The following KLF7 variants were observed in gnomAD, a reference collection of about 807,000 sequenced individuals.
The protein encoded by KLF7 is KLF transcription factor 7.
A neutral mutation model predicts 27.3 loss-of-function variants in KLF7; 2 were observed. The ratio of observed to expected loss-of-function variants is 0.07; its 90% CI spans 0.03 to 0.23. The LOEUF (loss-of-function observed/expected upper bound fraction) is 0.23. Among genes scored for constraint, KLF7 ranks in the 10% least tolerant of loss-of-function variants. The pLI is 1.00. For synonymous variants in KLF7, 165 were observed against 162.4 expected (o/e 1.02, Z -0.12); for missense variants, 221 against 394.1 (o/e 0.56, Z 3.72).
chr2:207,171,927 A>G (rs1029810031), upstream of KLF7, among the ~76,000 whole-genome samples: 2 of 152,194 alleles, frequency 1.3e-5, no homozygotes, highest in Non-Finnish European at 2.9e-5. Flanking sequence ...TAGTATGACT[A>G]TGTGCTAATT....
intron 2 of KLF7, among the ~76,000 whole-genome samples, chr2:207,114,236 G>A (rs1421965717): frequency 6.6e-6 from 1 of 152,196 alleles, no homozygotes; most frequent in African/African-American, 2.4e-5. Flanking sequence ...GAAGGAAGAT[G>A]TATCTTTTGT....
chr2:207,157,309 T>C (rs2078415465), intron 1 of KLF7, among the ~76,000 whole-genome samples: 1 of 149,818 alleles, frequency 6.7e-6, no homozygotes, highest in South Asian at 2.1e-4. Context: ...CACAAGAGTA[T>C]GGAAATCATA....
chr2:207,139,673 T>G (rs374295329), intron 1 of KLF7, among the ~76,000 whole-genome samples: 45 of 152,306 alleles, frequency 3.0e-4, no homozygotes, highest in African/African-American at 1.1e-3. Context: ...TCAACTACAT[T>G]TCTCTACGTA....
chr2:207,103,851 C>G (rs2076821302), intron 2 of KLF7, among the ~76,000 whole-genome samples: 1 of 152,242 alleles, frequency 6.6e-6, no homozygotes, highest in East Asian at 1.9e-4. Flanking sequence ...CTGCAAAGCA[C>G]CACACAGGCA....
chr2:207,149,353 CAT>C (rs1020064909), intron 1 of KLF7, among the ~76,000 whole-genome samples: 29 of 152,348 alleles, frequency 1.9e-4, no homozygotes, highest in African/African-American at 6.5e-4. Flanking sequence ...GCCAGACTAA[CAT>C]AGAGAAAGGG....
intron 1 of KLF7, among the ~76,000 whole-genome samples, chr2:207,128,012 G>A (rs747305924): frequency 2.0e-5 from 3 of 152,156 alleles, no homozygotes; most frequent in African/African-American, 4.8e-5. Flanking sequence ...TACAGGCAAA[G>A]ATAACCCCAG....
At chr2:207,115,011 A>G (rs12466841) in intron 2 of KLF7, among the ~76,000 whole-genome samples, 68,636 of 152,100 alleles carry the variant, frequency 0.45, 17,011 homozygotes, top group Middle Eastern at 0.56. Flanking sequence ...TTAAAGGCAG[A>G]AACAACAAAA....
chr2:207,126,172 C>T (rs2077471560), intron 1 of KLF7, among the ~76,000 whole-genome samples: 2 of 152,172 alleles, frequency 1.3e-5, no homozygotes, highest in South Asian at 4.1e-4. Context: ...CTGAACTCCA[C>T]TTCTCAAAAA....
At chr2:207,112,317 G>A (rs1215220934) in intron 2 of KLF7, among the ~76,000 whole-genome samples, 1 of 152,058 alleles carries the variant, frequency 6.6e-6, no homozygotes, top group Non-Finnish European at 1.5e-5. Context: ...TTAGACAGGT[G>A]TTAACACTGC....
In KLF7 at chr2:207,165,749, G is replaced by A. The variant is rs968174613; in HGVS notation, c.-181C>T. 4.9e-6 allele frequency: 7 copies of A among 1,442,396 alleles called. No individual in the cohort carries two copies. The African/African-American group carries it at 1.0e-4, about 21-fold the overall frequency. The allele number at this position is 1,442,396 out of a possible 1,614,324, so 89.3% of individuals were successfully genotyped here. ...AAATCAATGCAGGAGAGGGAGAGAG[G>A]AGGTGAGAGAGGAGCGAGTGAGTGG... On this transcript the variant is annotated 5_prime_UTR_variant, in exon 1 of 4. Transcript: ENST00000309446.
intron 2 of KLF7, among the ~76,000 whole-genome samples, chr2:207,094,673 T>C (rs551902344): frequency 7.2e-5 from 11 of 152,352 alleles, no homozygotes; most frequent in African/African-American, 1.9e-4. Flanking sequence ...TTTCACTCCA[T>C]AGCTTGTCAA....
At chr2:207,095,922 T>C (rs2105893632) in intron 2 of KLF7, among the ~76,000 whole-genome samples, 1 of 152,332 alleles carries the variant, frequency 6.6e-6, no homozygotes, top group South Asian at 2.1e-4. Flanking sequence ...TATTTAACTT[T>C]TTTAAAAATG....
At chr2:207,088,704 A>ATGTTAGGAAATCTAGTCTTTCAG in intron 2 of KLF7, 123 bp from the exon 3 acceptor site, 1 of 1,057,858 alleles carries the variant, frequency 9.5e-7, no homozygotes, top group Non-Finnish European at 1.3e-6. Flanking sequence ...CTGAAAGACT[A>ATGTTAGGAAATCTAGTCTTTCAG]GATTTCCTAA....
At chr2:207,159,296 C>G (rs1307797471) in intron 1 of KLF7, among the ~76,000 whole-genome samples, 1 of 152,216 alleles carries the variant, frequency 6.6e-6, no homozygotes, top group South Asian at 2.1e-4. Context: ...CAGCCCACAA[C>G]ATGACATTGG....
chr2:207,173,570 C>T, the KLF7 span: 1 of 152,084 alleles, frequency 6.6e-6, no homozygotes, highest in Non-Finnish European at 1.5e-5. Context: ...ACATCCCAAT[C>T]TTGCCACTAG....
chr2:207,112,349 C>G (rs931882740), intron 2 of KLF7, among the ~76,000 whole-genome samples: 1 of 152,096 alleles, frequency 6.6e-6, no homozygotes, highest in African/African-American at 2.4e-5. Flanking sequence ...GATCACCTAG[C>G]CTGGCTGGAG....
rs561090995 is a variant in KLF7, at chr2:207,164,080, C to G, written c.102+1387G>C. 1.1e-4 allele frequency among the ~76,000 whole-genome samples: 16 copies of G among 152,352 alleles called. No homozygotes were observed. In the South Asian group the frequency reaches 3.1e-3, roughly 30 times the overall value. Reference sequence around the variant, plus strand: ...CAATACCTGGAGGAAAACTCACAGCCTCTGACCAGAAGTGAACTAGCAACA... The same window carrying G: ...CAATACCTGGAGGAAAACTCACAGCGTCTGACCAGAAGTGAACTAGCAACA... On this transcript the variant is annotated intron_variant, in intron 1 of 3. Transcript: ENST00000309446.
At chr2:207,092,110 T>C (rs1276933844) in intron 2 of KLF7, among the ~76,000 whole-genome samples, 1 of 152,220 alleles carries the variant, frequency 6.6e-6, no homozygotes, top group Non-Finnish European at 1.5e-5. Context: ...CTCCAGATAC[T>C]TCTCCTGGGT....
Position 207,137,499 on chromosome 2 carries a change from C to G in KLF7, c.103-13095G>C, listed in dbSNP as rs997070471. On this transcript the variant is annotated intron_variant, in intron 1 of 3. Coordinates refer to ENST00000309446, the MANE Select transcript of KLF7 (RefSeq NM_003709.4). ...TTAAGAATTTTACATGAAAAGGTAT[C>G]TCTACTGAGAAGTGCTATTTATTTC... Among the ~76,000 whole-genome samples the G allele has an allele frequency of 3.9e-5, 6 of 152,150 alleles. No individual in the cohort carries two copies. In the South Asian group the frequency reaches 1.2e-3, roughly 32 times the overall value.
Sources: gnomAD v4.1 joint callset for allele counts (sites outside exome capture counted in the v4.1 genomes callset) on GRCh38, gnomAD v4.1.1 for gene constraint, MANE v1.5 for transcripts, NCBI Gene and HGNC (gene_info 2026-07-23, HGNC 2026-07-21) for gene names.